The following CNTNAP2 variants were observed in gnomAD, a reference collection of about 807,000 sequenced individuals.
The protein encoded by CNTNAP2 is contactin-associated protein-like 2.
A neutral mutation model predicts 155.2 loss-of-function variants in CNTNAP2; 98 were observed. The ratio of observed to expected loss-of-function variants is 0.63; its 90% confidence interval spans 0.54 to 0.75. CNTNAP2 has a LOEUF of 0.75. CNTNAP2 is among the 30% of genes least tolerant of loss of function. The probability of loss-of-function intolerance (pLI) is 0.00; values close to 1 mark genes in which losing one functional copy is unlikely to be tolerated. For missense variants in CNTNAP2, 1,727 were observed against 1,688.1 expected (o/e 1.02, Z -0.40); for synonymous variants, 651 against 631.2 (o/e 1.03, Z -0.47).
intron 8 of CNTNAP2, among the ~76,000 whole-genome samples, chr7:147,149,188 T>G (rs1029644465): frequency 1.3e-5 from 2 of 152,214 alleles, no homozygotes; most frequent in African/African-American, 4.8e-5. Context: ...TGCTGATTGG[T>G]GCATTTACAA....
At chr7:147,158,000 T>G (rs987241870) in intron 8 of CNTNAP2, among the ~76,000 whole-genome samples, 3 of 152,108 alleles carry the variant, frequency 2.0e-5, no homozygotes, top group African/African-American at 4.8e-5. Context: ...CAAAAACAAT[T>G]TATATGCTTT....
At chr7:147,855,624 T>TA (rs547900112) in intron 13 of CNTNAP2, among the ~76,000 whole-genome samples, 28 of 148,560 alleles carry the variant, frequency 1.9e-4, no homozygotes, top group East Asian at 7.8e-4. Flanking sequence ...CGGTCTCTAC[T>TA]AAAAAAAAAA....
intron 8 of CNTNAP2, among the ~76,000 whole-genome samples, chr7:147,195,899 A>G (rs1446532451): frequency 6.6e-6 from 1 of 152,184 alleles, no homozygotes; most frequent in African/African-American, 2.4e-5. Flanking sequence ...CACAACATTT[A>G]TATTAAAGGG....
chr7:147,594,585 G>A (rs1476669453), intron 12 of CNTNAP2, among the ~76,000 whole-genome samples: 1 of 152,138 alleles, frequency 6.6e-6, no homozygotes, highest in African/African-American at 2.4e-5. Flanking sequence ...CTTATTTTCT[G>A]GGTTTTCGCC....
intron 4 of CNTNAP2, among the ~76,000 whole-genome samples, chr7:147,072,781 T>G (rs1236359079): frequency 6.6e-6 from 1 of 151,994 alleles, no homozygotes. Flanking sequence ...ACACATCTGT[T>G]GTTTTTTTTA....
chr7:146,504,124 T>A (rs886847688), intron 1 of CNTNAP2, among the ~76,000 whole-genome samples: 17 of 152,232 alleles, frequency 1.1e-4, no homozygotes, highest in Non-Finnish European at 2.4e-4. Flanking sequence ...AGCCTTCTCC[T>A]GACCAAAGCA....
chr7:146,723,261 G>C (rs1364574380), intron 1 of CNTNAP2, among the ~76,000 whole-genome samples: 1 of 152,084 alleles, frequency 6.6e-6, no homozygotes, highest in African/African-American at 2.4e-5. Flanking sequence ...CACGAGACAA[G>C]AAACAACTGG....
chr7:147,719,537 A>G (rs532505951), intron 13 of CNTNAP2, among the ~76,000 whole-genome samples: 60 of 152,014 alleles, frequency 3.9e-4, no homozygotes, highest in African/African-American at 1.4e-3. Context: ...CATAAATACA[A>G]TAATAACAAC....
intron 9 of CNTNAP2, among the ~76,000 whole-genome samples, chr7:147,371,121 C>T (rs954192285): frequency 1.1e-4 from 17 of 152,050 alleles, no homozygotes; most frequent in African/African-American, 1.9e-4. Context: ...TCAATCCAAA[C>T]GCCCTCCTAT....
chr7:148,409,551 G>GA, intron 23 of CNTNAP2, 80 bp downstream of exon 23: 1 of 1,275,738 alleles, frequency 7.8e-7, no homozygotes, highest in Non-Finnish European at 1.1e-6. Context: ...AGTAGTCTAG[G>GA]AAAAAAAGTT....
At chr7:147,935,452 A>C (rs1800588155) in intron 14 of CNTNAP2, among the ~76,000 whole-genome samples, 1 of 152,144 alleles carries the variant, frequency 6.6e-6, no homozygotes. Flanking sequence ...AAAATTACTG[A>C]AGCTGAGTTT....
chr7:147,324,338 G>T (rs749088834), intron 9 of CNTNAP2, among the ~76,000 whole-genome samples: 1 of 152,138 alleles, frequency 6.6e-6, no homozygotes, highest in South Asian at 2.1e-4. Context: ...TATTAGAAAT[G>T]TTTATATTAT....
intron 11 of CNTNAP2, among the ~76,000 whole-genome samples, chr7:147,537,272 GTAAAT>G (rs1317496934): frequency 7.9e-5 from 10 of 126,928 alleles, no homozygotes; most frequent in South Asian, 2.6e-4. Flanking sequence ...ATACACAGTG[GTAAAT>G]TAAATTATTT....
chr7:146,462,745 C>T (rs1796656491), intron 1 of CNTNAP2, among the ~76,000 whole-genome samples: 1 of 152,120 alleles, frequency 6.6e-6, no homozygotes, highest in African/African-American at 2.4e-5. Context: ...GAGTTCTTGA[C>T]ATTGGAAAAA....
chr7:147,164,941 C>T (rs188993012), intron 8 of CNTNAP2, among the ~76,000 whole-genome samples: 10 of 152,262 alleles, frequency 6.6e-5, no homozygotes, highest in Admixed American at 5.9e-4. Context: ...TTTCTTTATA[C>T]ACTTAATTTC....
chr7:146,538,204 A>G (rs555321051), intron 1 of CNTNAP2, among the ~76,000 whole-genome samples: 1 of 152,272 alleles, frequency 6.6e-6, no homozygotes, highest in South Asian at 2.1e-4. Flanking sequence ...AGGATTATCC[A>G]GTATCTTGGA....
intron 4 of CNTNAP2, among the ~76,000 whole-genome samples, chr7:147,087,937 A>C (rs1047245296): frequency 6.6e-6 from 1 of 152,152 alleles, no homozygotes; most frequent in African/African-American, 2.4e-5. Flanking sequence ...AGATTGTGCC[A>C]CTGCACTCCA....
At chr7:147,518,594 C>T (rs571757609) in intron 11 of CNTNAP2, among the ~76,000 whole-genome samples, 30 of 152,318 alleles carry the variant, frequency 2.0e-4, no homozygotes, top group African/African-American at 7.0e-4. Flanking sequence ...ATCATGTGTT[C>T]TCTCAAGTAT....
At chr7:146,314,761 G>A (rs1800880712) in intron 1 of CNTNAP2, among the ~76,000 whole-genome samples, 2 of 152,104 alleles carry the variant, frequency 1.3e-5, no homozygotes, top group African/African-American at 2.4e-5. Context: ...GGTCAAGCTG[G>A]GGAAGAAGGT....
Sources: allele counts gnomAD v4.1 joint callset (sites outside exome capture counted in the v4.1 genomes callset), GRCh38; gene constraint gnomAD v4.1.1; transcripts MANE v1.5; gene names NCBI Gene and HGNC (gene_info 2026-07-23, HGNC 2026-07-21).